The following DLG2 variants were observed in gnomAD, a reference collection of about 807,000 sequenced individuals.
The protein encoded by DLG2 is discs large MAGUK scaffold protein 2.
A neutral mutation model predicts 132.5 loss-of-function variants in DLG2; 45 were observed. That is an observed-to-expected ratio of 0.34 (90% CI 0.27 to 0.44). The LOEUF (loss-of-function observed/expected upper bound fraction) is 0.44, where lower values mean the gene tolerates loss of function less well. DLG2 is among the 20% of genes least tolerant of loss of function. DLG2 has a pLI of 1.00. For synonymous variants in DLG2, 424 were observed against 419.6 expected (o/e 1.01, Z -0.13); for missense variants, 1,045 against 1,196.9 (o/e 0.87, Z 1.87).
intron 3 of DLG2, among the ~76,000 whole-genome samples, chr11:85,427,510 C>T (rs1451028265): frequency 1.3e-5 from 2 of 152,234 alleles, no homozygotes; most frequent in Non-Finnish European, 2.9e-5. Context: ...TCCAGAATTT[C>T]ATATCCAGCC....
chr11:85,337,313 G>C (rs2082200841), intron 3 of DLG2, among the ~76,000 whole-genome samples: 1 of 151,990 alleles, frequency 6.6e-6, no homozygotes, highest in Admixed American at 6.6e-5. Context: ...CAAACTCCTA[G>C]CTTCAAGTGA....
intron 7 of DLG2, among the ~76,000 whole-genome samples, chr11:84,500,517 C>A (rs1320887052): frequency 6.6e-6 from 1 of 152,190 alleles, no homozygotes; most frequent in Non-Finnish European, 1.5e-5. Context: ...AACTGCCTAA[C>A]ATCTATCTAT....
intron 26 of DLG2, among the ~76,000 whole-genome samples, chr11:83,465,344 G>C (rs2090826189): frequency 6.6e-6 from 1 of 152,128 alleles, no homozygotes; most frequent in African/African-American, 2.4e-5. Flanking sequence ...TTGCTTCTTT[G>C]TCTTCAGAGG....
chr11:84,892,866 A>G (rs563887140), intron 6 of DLG2, among the ~76,000 whole-genome samples: 2 of 152,030 alleles, frequency 1.3e-5, no homozygotes, highest in East Asian at 1.9e-4. Context: ...TCCTCACTCT[A>G]TCATCATACA....
intron 3 of DLG2, among the ~76,000 whole-genome samples, chr11:85,299,619 G>C (rs1423663507): frequency 2.6e-5 from 4 of 152,064 alleles, no homozygotes; most frequent in Non-Finnish European, 5.9e-5. Context: ...AAAGTTAAAG[G>C]CCAAGTCACA....
At chr11:85,095,725 T>C (rs1566837839) in intron 6 of DLG2, among the ~76,000 whole-genome samples, 1 of 152,102 alleles carries the variant, frequency 6.6e-6, no homozygotes, top group African/African-American at 2.4e-5. Flanking sequence ...TTTCCAGAGT[T>C]CCCAAATTCA....
chr11:85,460,099 G>T (rs1223394407), intron 3 of DLG2, among the ~76,000 whole-genome samples: 1 of 152,170 alleles, frequency 6.6e-6, no homozygotes. Context: ...ACAGACAGGG[G>T]GTGGCTGGAG....
chr11:84,381,412 A>T lies in DLG2; in HGVS notation c.520-130121T>A, dbSNP rs566049273. On this transcript the variant is annotated intron_variant, in intron 7 of 27. Transcript: ENST00000376104. ...GTCAATACTAAAATTAGGCAATCTC[A>T]TTGTACTCATAGATGCAAAAACACT... Among the ~76,000 whole-genome samples the T allele has an allele frequency of 5.9e-5, 9 of 152,196 alleles. No homozygotes were observed. In the South Asian group the frequency reaches 1.7e-3, roughly 28 times the overall value.
At chr11:85,355,744 T>TA (rs139062916) in intron 3 of DLG2, among the ~76,000 whole-genome samples, 20,002 of 152,172 alleles carry the variant, frequency 0.13, 1,864 homozygotes, top group Non-Finnish European at 0.18. Context: ...TGGATAACAA[T>TA]ATATATAACC....
intron 6 of DLG2, among the ~76,000 whole-genome samples, chr11:84,657,652 A>T (rs750330882): frequency 3.3e-5 from 5 of 152,120 alleles, no homozygotes; most frequent in South Asian, 2.1e-4. Context: ...TCCTGCTCCT[A>T]TGAGAATCTA....
intron 5 of DLG2, among the ~76,000 whole-genome samples, chr11:85,115,709 G>T (rs2073469875): frequency 6.6e-6 from 1 of 151,962 alleles, no homozygotes; most frequent in South Asian, 2.1e-4. Flanking sequence ...AGGCGAAGGT[G>T]TAAGAAGAGG....
chr11:84,244,438 G>A (rs1038611640), intron 8 of DLG2, among the ~76,000 whole-genome samples: 2 of 151,994 alleles, frequency 1.3e-5, no homozygotes, highest in African/African-American at 2.4e-5. Flanking sequence ...CACCCGCCTC[G>A]GCCTCCCAAA....
At chr11:83,837,612 C>T (rs868815284) in intron 16 of DLG2, among the ~76,000 whole-genome samples, 23 of 150,776 alleles carry the variant, frequency 1.5e-4, no homozygotes, top group African/African-American at 5.4e-4. Context: ...ACCTGTTTTT[C>T]CCAGTCATTT....
At position 85,542,469 on chromosome 11, in the gene DLG2, T is replaced by C. The variant is rs2076033464; in HGVS notation, c.40+56188A>G. 2.0e-5 allele frequency among the ~76,000 whole-genome samples: 3 copies of C among 152,356 alleles called. No homozygotes were observed. In the South Asian group the frequency reaches 6.2e-4, roughly 32 times the overall value. ...AGATAAAATAGGACAAAATACATTT[T>C]GTTTATGAAGTAAATTTAGGAGTAA... On this transcript the variant is annotated intron_variant, in intron 3 of 27. Coordinates refer to ENST00000376104, the MANE Select transcript of DLG2 (RefSeq NM_001142699.3).
Position 85,421,158 on chromosome 11 carries a change from G to A in DLG2, c.41-135793C>T, listed in dbSNP as rs548936320. On this transcript the variant is annotated intron_variant, in intron 3 of 27. Coordinates refer to ENST00000376104, the MANE Select transcript of DLG2 (RefSeq NM_001142699.3). ...AAGACCACGGGAAAAGCATAGTATCGGAGCCGGAGTGTACCATTCCTCATG... is the reference window on the plus strand; with the variant it reads ...AAGACCACGGGAAAAGCATAGTATCAGAGCCGGAGTGTACCATTCCTCATG... Among the ~76,000 whole-genome samples, 357 of 152,146 alleles carry A rather than the reference G, an allele frequency of 2.3e-3. 2 individuals are homozygous for A. Among genetic ancestry groups the A allele is most frequent in the Non-Finnish European group, 9.1e-4 (62 of 68,012 alleles).
intron 21 of DLG2, among the ~76,000 whole-genome samples, chr11:83,504,932 AG>A (rs1486503294): frequency 6.6e-6 from 1 of 151,786 alleles, no homozygotes; most frequent in Non-Finnish European, 1.5e-5. Flanking sequence ...CAGTTGTTTC[AG>A]GATGATGGGG....
intron 6 of DLG2, among the ~76,000 whole-genome samples, chr11:84,934,278 AT>A (rs1208780819): frequency 1.3e-5 from 2 of 151,872 alleles, no homozygotes; most frequent in African/African-American, 4.8e-5. Flanking sequence ...GTTTGCTAGT[AT>A]TTTGTTGAAA....
intron 18 of DLG2, among the ~76,000 whole-genome samples, chr11:83,700,837 GAT>G (rs1286959741): frequency 6.6e-6 from 1 of 152,042 alleles, no homozygotes; most frequent in African/African-American, 2.4e-5. Flanking sequence ...TTAATAATCA[GAT>G]ACAAAGGTAG....
At chr11:83,462,160 A>T in intron 26 of DLG2, 67 bp from the exon 27 acceptor site, 1 of 1,044,764 alleles carries the variant, frequency 9.6e-7, no homozygotes, top group Non-Finnish European at 1.5e-6. Context: ...ATTAAAATGT[A>T]TGGCAAAAAT....
Sources: gnomAD v4.1 joint callset for allele counts (sites outside exome capture counted in the v4.1 genomes callset) on GRCh38, gnomAD v4.1.1 for gene constraint, MANE v1.5 for transcripts, NCBI Gene and HGNC (gene_info 2026-07-23, HGNC 2026-07-21) for gene names.